The following ATP2B2 variants were observed in gnomAD, a reference collection of about 807,000 sequenced individuals.
ATP2B2 encodes ATPase plasma membrane Ca2+ transporting 2.
Under a neutral mutation model 120.0 loss-of-function variants are expected in ATP2B2, and 15 were observed. That is an observed-to-expected ratio of 0.12 (90% confidence interval 0.08 to 0.19). ATP2B2 has a LOEUF of 0.19. Among genes scored for constraint, ATP2B2 ranks in the 10% least tolerant of loss-of-function variants. ATP2B2 has a pLI of 1.00. For missense variants in ATP2B2, 1,045 were observed against 1,719.8 expected, an observed-to-expected ratio of 0.61 and a Z score of 6.94; for synonymous variants, 694 against 700.3, an observed-to-expected ratio of 0.99 and a Z score of 0.14.
At chr3:10,605,482 A>G (rs115356327) in intron 2 of ATP2B2, among the ~76,000 whole-genome samples, 3 of 152,234 alleles carry the variant, frequency 2.0e-5, no homozygotes, top group Non-Finnish European at 2.9e-5. Flanking sequence ...TGGACCAGAG[A>G]GGGCAGGCTG....
rs769765695 is a variant in ATP2B2, at chr3:10,340,684, C to G, written c.2938G>C (p.Asp980His). 2 of 1,614,040 alleles carry G rather than the reference C, an allele frequency of 1.2e-6. No homozygotes were observed. Among genetic ancestry groups the G allele is most frequent in the South Asian group, 2.2e-5 (2 of 91,078 alleles). Residue 980 changes from aspartate (D) to histidine (H), a missense_variant, in exon 20 of 23, where the codon GAC becomes CAC. Around this residue, in one of 11 missense-constraint regions of ATP2B2, gnomAD observed 211 missense variants for 385.1 expected, o/e 0.55. Coordinates refer to ENST00000360273, the MANE Select transcript of ATP2B2 (RefSeq NM_001001331.4). This position sits in a 1 kb window ranked among gnomAD's most constrained non-coding sequence, Gnocchi z 5.0. The stretch of plus-strand genomic sequence containing the variant: ...TGCAGGGGCGCGTTCCTCCCGCTGT[C>G]GATCTGGAACATCTTCTCGCCTGCC... The part of the protein sequence containing the change: ...LFVGEKMFQI[D>H]SGRNAPLHSP...
chr3:10,570,018 CCA>C (rs1393667970), intron 2 of ATP2B2: 1 of 152,136 alleles, frequency 6.6e-6, no homozygotes, highest in Admixed American at 6.5e-5. Context: ...CCAGCCCGGC[CCA>C]CCAGATTGCC....
chr3:10,616,500 C>A (rs1218903959), intron 2 of ATP2B2, among the ~76,000 whole-genome samples: 1 of 152,196 alleles, frequency 6.6e-6, no homozygotes, highest in African/African-American at 2.4e-5. Flanking sequence ...GCAGCCCTAA[C>A]ATGAATACAT....
chr3:10,564,094 T>C (rs191708853), intron 2 of ATP2B2, among the ~76,000 whole-genome samples: 2 of 152,336 alleles, frequency 1.3e-5, no homozygotes, highest in Non-Finnish European at 2.9e-5. Flanking sequence ...ACCAGATCCA[T>C]TCTAGGTCTA....
At chr3:10,622,871 G>GCT (rs759703595) in intron 1 of ATP2B2, among the ~76,000 whole-genome samples, 5 of 152,166 alleles carry the variant, frequency 3.3e-5, no homozygotes, top group Non-Finnish European at 7.3e-5. Flanking sequence ...CATTGCCTGG[G>GCT]CTTGAATCTC....
At chr3:10,655,463 C>A (rs754433909) in intron 1 of ATP2B2, among the ~76,000 whole-genome samples, 34 of 152,364 alleles carry the variant, frequency 2.2e-4, no homozygotes, top group Non-Finnish European at 4.4e-4. Flanking sequence ...TTCAGAAGAA[C>A]CTAACCTGGT....
intron 2 of ATP2B2, among the ~76,000 whole-genome samples, chr3:10,606,725 CTGTG>C (rs1402074564): frequency 6.6e-6 from 1 of 152,070 alleles, no homozygotes. Flanking sequence ...ATGTGTGTGT[CTGTG>C]TGTATGTGTG....
Position 10,397,369 on chromosome 3 carries a change from G to A in ATP2B2, c.781+3584C>T, listed in dbSNP as rs144175964. Among the ~76,000 whole-genome samples, 53 of 152,354 alleles carry A rather than the reference G, an allele frequency of 3.5e-4. No individual in the cohort carries two copies. The East Asian group carries it at 8.9e-3, about 25-fold the overall frequency. ...AGTGAGACCAGTGAGATCCGGTTGGGTGGTGGGATGGTCGACAAATTTTGT... is the reference window on the plus strand; with the variant it reads ...AGTGAGACCAGTGAGATCCGGTTGGATGGTGGGATGGTCGACAAATTTTGT... On this transcript the variant is annotated intron_variant, in intron 5 of 22. Coordinates refer to ENST00000360273, the MANE Select transcript of ATP2B2 (RefSeq NM_001001331.4).
At chr3:10,510,861 C>T (rs1275057643) in intron 3 of ATP2B2, among the ~76,000 whole-genome samples, 1 of 152,196 alleles carries the variant, frequency 6.6e-6, no homozygotes, top group East Asian at 1.9e-4. Context: ...ACATGCTGCC[C>T]ACTCCCGCCC....
chr3:10,392,567 T>G (rs2061889882), intron 5 of ATP2B2, among the ~76,000 whole-genome samples: 1 of 152,114 alleles, frequency 6.6e-6, no homozygotes, highest in African/African-American at 2.4e-5. Context: ...GGGGCAGAGG[T>G]GGGAACCTCT....
At chr3:10,639,724 T>C (rs2070119804) in intron 1 of ATP2B2, among the ~76,000 whole-genome samples, 1 of 151,992 alleles carries the variant, frequency 6.6e-6, no homozygotes, top group South Asian at 2.1e-4. Flanking sequence ...GGAGAAAGAG[T>C]GTCAGTGGAG....
At chr3:10,421,381 CA>C (rs1320987266) in intron 2 of ATP2B2, among the ~76,000 whole-genome samples, 1 of 152,180 alleles carries the variant, frequency 6.6e-6, no homozygotes, top group Non-Finnish European at 1.5e-5. Context: ...AAGCTGCCAA[CA>C]GTCAGGCTCA....
At chr3:10,479,712 C>A (rs556734574) in intron 1 of ATP2B2, among the ~76,000 whole-genome samples, 1 of 152,234 alleles carries the variant, frequency 6.6e-6, no homozygotes, top group South Asian at 2.1e-4. Context: ...TAGGGCCTAG[C>A]AGTGTCTAGC....
intron 22 of ATP2B2, chr3:10,332,071 T>C (rs1431083655): frequency 2.6e-6 from 4 of 1,541,216 alleles, no homozygotes; most frequent in Non-Finnish European, 3.5e-6. Flanking sequence ...ATTCAGACAG[T>C]GGAGAGGTCT....
chr3:10,563,597 C>T (rs980421052), intron 2 of ATP2B2, among the ~76,000 whole-genome samples: 1 of 152,240 alleles, frequency 6.6e-6, no homozygotes, highest in Non-Finnish European at 1.5e-5. Flanking sequence ...TACTTGCATC[C>T]TTTCTTTGCA....
intron 1 of ATP2B2, among the ~76,000 whole-genome samples, chr3:10,463,609 A>C (rs1429641322): frequency 3.9e-5 from 6 of 152,232 alleles, no homozygotes; most frequent in Non-Finnish European, 8.8e-5. Context: ...ATTGGAGCCC[A>C]GGCAGGCTGC....
At chr3:10,691,608 G>C (rs1189366231) in intron 1 of ATP2B2, among the ~76,000 whole-genome samples, 1 of 152,196 alleles carries the variant, frequency 6.6e-6, no homozygotes, top group African/African-American at 2.4e-5. Context: ...GCCTGACAAA[G>C]CCAGAAACCA....
chr3:10,400,431 C>G (rs1225767700), intron 5 of ATP2B2, among the ~76,000 whole-genome samples: 1 of 152,256 alleles, frequency 6.6e-6, no homozygotes, highest in Non-Finnish European at 1.5e-5. Context: ...ATCACCCACA[C>G]TCAGCACACC....
At chr3:10,414,404 T>C (rs982236637) in intron 2 of ATP2B2, among the ~76,000 whole-genome samples, 8 of 151,962 alleles carry the variant, frequency 5.3e-5, no homozygotes, top group Non-Finnish European at 8.8e-5. Flanking sequence ...GGGCTGCAAA[T>C]TTGAATAGGT....
Sources: allele counts gnomAD v4.1 joint callset (sites outside exome capture counted in the v4.1 genomes callset), GRCh38; gene constraint gnomAD v4.1.1; regional missense constraint gnomAD v4.1.1; non-coding constraint Gnocchi (gnomAD v3.1); transcripts MANE v1.5; gene names NCBI Gene and HGNC (gene_info 2026-07-23, HGNC 2026-07-21).